The following ATP8B4 variants were observed in gnomAD, a reference collection of about 807,000 sequenced individuals.
ATP8B4 encodes probable phospholipid-transporting ATPase IM.
Under a neutral mutation model 145.6 loss-of-function variants are expected in ATP8B4, and 133 were observed. That is an observed-to-expected ratio of 0.91 (90% CI 0.79 to 1.05). The LOEUF is 1.05. ATP8B4 is among the 50% of genes least tolerant of loss of function. The pLI is 0.00. For missense variants in ATP8B4, 1,458 were observed against 1,425.2 expected (o/e 1.02, Z -0.37); for synonymous variants, 507 against 492.9 (o/e 1.03, Z -0.38).
chr15:49,999,631 T>C (rs1325081928), intron 8 of ATP8B4, among the ~76,000 whole-genome samples: 2 of 152,152 alleles, frequency 1.3e-5, no homozygotes, highest in African/African-American at 2.4e-5. Flanking sequence ...CCTGAGTATC[T>C]TGATAAACTT....
chr15:50,155,415 T>C (rs968205764), intron 1 of ATP8B4, among the ~76,000 whole-genome samples: 1 of 152,104 alleles, frequency 6.6e-6, no homozygotes, highest in Non-Finnish European at 1.5e-5. Flanking sequence ...TTAAAACAAC[T>C]AATGAAGAAA....
At chr15:49,972,938 G>A in intron 12 of ATP8B4, 148 bp from the exon 13 acceptor site, 1 of 696,022 alleles carries the variant, frequency 1.4e-6, no homozygotes, top group Non-Finnish European at 2.4e-6. Context: ...GGGATCTTCA[G>A]AAGCTTCTCA....
chr15:49,883,897 T>C (rs2035818774), intron 23 of ATP8B4, among the ~76,000 whole-genome samples: 1 of 152,202 alleles, frequency 6.6e-6, no homozygotes, highest in Non-Finnish European at 1.5e-5. Flanking sequence ...CAAAAAGTTA[T>C]GTATTTACCC....
chr15:50,117,485 A>G (rs1463526521), intron 1 of ATP8B4, among the ~76,000 whole-genome samples: 6 of 152,226 alleles, frequency 3.9e-5, no homozygotes, highest in Non-Finnish European at 8.8e-5. Context: ...CCCACCCACA[A>G]AAAAATCCTC....
At chr15:50,116,818 G>A (rs2057171475) in intron 1 of ATP8B4, among the ~76,000 whole-genome samples, 1 of 151,944 alleles carries the variant, frequency 6.6e-6, no homozygotes, top group East Asian at 1.9e-4. Context: ...AGAGAGAAAA[G>A]CAAGGTAGCT....
chr15:50,142,033 C>T (rs941533287), intron 1 of ATP8B4, among the ~76,000 whole-genome samples: 3 of 152,100 alleles, frequency 2.0e-5, no homozygotes, highest in Non-Finnish European at 4.4e-5. Context: ...AATGTAAAAA[C>T]TGAGGTAGGG....
intron 23 of ATP8B4, among the ~76,000 whole-genome samples, chr15:49,893,699 GAAA>G (rs2037076255): frequency 2.0e-5 from 3 of 152,102 alleles, no homozygotes; most frequent in African/African-American, 2.4e-5. Context: ...TTTGCAGAAA[GAAA>G]AAGTTTTAGA....
chr15:49,975,011 T>G (rs1173734966), intron 12 of ATP8B4, among the ~76,000 whole-genome samples: 2 of 152,198 alleles, frequency 1.3e-5, no homozygotes, highest in Non-Finnish European at 2.9e-5. Context: ...ATTCTCTTCC[T>G]CTTCAAAAAT....
intron 2 of ATP8B4, among the ~76,000 whole-genome samples, chr15:50,100,145 G>C (rs1190037523): frequency 6.6e-6 from 1 of 151,914 alleles, no homozygotes; most frequent in Non-Finnish European, 1.5e-5. Context: ...TGGCTGGCTT[G>C]TCAAATTTTC....
chr15:50,131,105 A>G (rs2057342964), intron 1 of ATP8B4, among the ~76,000 whole-genome samples: 1 of 152,038 alleles, frequency 6.6e-6, no homozygotes, highest in Non-Finnish European at 1.5e-5. Flanking sequence ...GAATTCACTC[A>G]CTATCACGAG....
intron 3 of ATP8B4, among the ~76,000 whole-genome samples, chr15:50,071,061 C>G (rs1600186058): frequency 6.6e-6 from 1 of 152,110 alleles, no homozygotes; most frequent in South Asian, 2.1e-4. Flanking sequence ...TGTTTTAACT[C>G]AGAGATGGAG....
intron 2 of ATP8B4, among the ~76,000 whole-genome samples, chr15:50,078,725 C>A (rs1039730512): frequency 6.6e-6 from 1 of 151,524 alleles, no homozygotes; most frequent in Non-Finnish European, 1.5e-5. Context: ...TTTTGAGCTC[C>A]AAGGACAAGC....
chr15:49,917,009 T>C lies in ATP8B4; in HGVS notation c.2066A>G (p.Asn689Ser), dbSNP rs2039808361. 1 of 1,613,912 alleles carries C rather than the reference T, an allele frequency of 6.2e-7. No individual in the cohort carries two copies. Among genetic ancestry groups the C allele is most frequent in the Non-Finnish European group, 8.5e-7 (1 of 1,179,910 alleles). Reference sequence around the variant, plus strand: ...ATCATTCATGTCGTCAGTCAGCATGTTGCAGGCATAACCGATGTTGATGGC... The same window carrying C: ...ATCATTCATGTCGTCAGTCAGCATGCTGCAGGCATAACCGATGTTGATGGC... ...ETAINIGYACNMLTDDMNDVF... is the reference protein window; with the variant it reads ...ETAINIGYACSMLTDDMNDVF... The change falls in exon 20 of 28, where the codon AAC becomes AGC. Residue 689 changes from asparagine to serine, a missense_variant. Transcript: ENST00000284509.
intron 5 of ATP8B4, among the ~76,000 whole-genome samples, chr15:50,042,374 T>C (rs77393824): frequency 0.066 from 10,094 of 152,228 alleles, 508 homozygotes; most frequent in African/African-American, 0.14. Flanking sequence ...AAGATAACTA[T>C]GAGGAAATAT....
At position 50,085,628 on chromosome 15, in the gene ATP8B4, G is replaced by A. The variant is rs563514484; in HGVS notation, c.29-11443C>T. On this transcript the variant is annotated intron_variant, in intron 2 of 27. Transcript: ENST00000284509. ...GGAGGTTTGAAATATAGAGCTACAAGTAAGCCTGTGCAGAATTCTCCCAAT... is the reference window on the plus strand; with the variant it reads ...GGAGGTTTGAAATATAGAGCTACAAATAAGCCTGTGCAGAATTCTCCCAAT... 2.6e-5 allele frequency among the ~76,000 whole-genome samples: 4 copies of A among 151,796 alleles called. No individual in the cohort carries two copies. The East Asian group carries it at 7.8e-4, about 29-fold the overall frequency.
At chr15:49,948,835 G>C (rs2042812054) in intron 14 of ATP8B4, among the ~76,000 whole-genome samples, 1 of 151,578 alleles carries the variant, frequency 6.6e-6, no homozygotes, top group Non-Finnish European at 1.5e-5. Context: ...GGATTTTGTT[G>C]CAATTCCTTT....
In ATP8B4 at chr15:49,923,593, T is replaced by G. The variant is rs143879409; in HGVS notation, c.1643-99A>C. 335 of 766,928 alleles carry G rather than the reference T, an allele frequency of 4.4e-4. 1 individual carries two copies. Among genetic ancestry groups the G allele is most frequent in the Non-Finnish European group, 6.6e-4 (315 of 479,504 alleles). 47.5% of individuals were successfully genotyped at this position (766,928 alleles called of 1,614,324 possible). Reference sequence around the variant, plus strand: ...CAGCCTGGCAATTTGGAAATGGGCATAATGTTTTAGCCAGTAGTAAGACAC... The same window carrying G: ...CAGCCTGGCAATTTGGAAATGGGCAGAATGTTTTAGCCAGTAGTAAGACAC... On this transcript the variant is annotated intron_variant, in intron 16 of 27. Transcript: ENST00000284509.
chr15:49,954,359 C>T (rs1425624913), intron 14 of ATP8B4, among the ~76,000 whole-genome samples: 3 of 152,162 alleles, frequency 2.0e-5, no homozygotes, highest in African/African-American at 7.2e-5. Context: ...TAAAGAGCTT[C>T]TGCACAGCAA....
intron 6 of ATP8B4, among the ~76,000 whole-genome samples, chr15:50,021,659 CT>C (rs1420274119): frequency 2.6e-5 from 4 of 152,186 alleles, no homozygotes; most frequent in African/African-American, 7.2e-5. Flanking sequence ...TCCTATTCCC[CT>C]ATTTCATTTT....
Sources: allele counts gnomAD v4.1 joint callset (sites outside exome capture counted in the v4.1 genomes callset), GRCh38; gene constraint gnomAD v4.1.1; transcripts MANE v1.5; gene names NCBI Gene and HGNC (gene_info 2026-07-23, HGNC 2026-07-21).